RICTOR: variants seen among roughly 807,000 people sequenced by gnomAD.
RICTOR encodes RPTOR independent companion of MTOR complex 2.
Under a neutral mutation model 214.9 loss-of-function variants are expected in RICTOR, and 49 were observed. The observed-to-expected ratio is 0.23, with a 90% CI of 0.18 to 0.29. RICTOR has a LOEUF of 0.29. RICTOR is among the 10% of genes least tolerant of loss of function. The probability of loss-of-function intolerance (pLI) is 1.00; values close to 1 mark genes in which losing one functional copy is unlikely to be tolerated. For missense variants in RICTOR, 1,625 were observed against 2,047.0 expected (o/e 0.79, Z 3.98); for synonymous variants, 717 against 711.3 (o/e 1.01, Z -0.13).
rs1465279859 is a variant in RICTOR, at chr5:39,046,764, C to G, written c.98-25628G>C. Reference sequence around the variant, plus strand: ...TGTATTCCCTCCTCCTGTTCCATATCCTTTAACATTACCTAAAGCTTTGAG... The same window carrying G: ...TGTATTCCCTCCTCCTGTTCCATATGCTTTAACATTACCTAAAGCTTTGAG... On this transcript the variant is annotated intron_variant, in intron 2 of 37. Transcript: ENST00000357387. Among the ~76,000 whole-genome samples, 3 of 152,114 alleles carry G rather than the reference C, an allele frequency of 2.0e-5. No homozygotes were observed. In the East Asian group the frequency reaches 5.8e-4, roughly 29 times the overall value.
At chr5:38,962,014 CAT>C (rs1363557899) in intron 19 of RICTOR, among the ~76,000 whole-genome samples, 1 of 152,018 alleles carries the variant, frequency 6.6e-6, no homozygotes, top group African/African-American at 2.4e-5. Flanking sequence ...ATGTCATCCT[CAT>C]ATGTCAGGGC....
chr5:38,986,435 TTAG>T (rs1217488813), intron 7 of RICTOR, among the ~76,000 whole-genome samples: 1 of 152,196 alleles, frequency 6.6e-6, no homozygotes, highest in Non-Finnish European at 1.5e-5. Flanking sequence ...GAGCCAGACT[TTAG>T]TAGATTCTAT....
At chr5:39,064,128 T>C (rs1245730867) in intron 2 of RICTOR, among the ~76,000 whole-genome samples, 2 of 152,206 alleles carry the variant, frequency 1.3e-5, no homozygotes, top group East Asian at 3.8e-4. Flanking sequence ...TATTAACTAG[T>C]TTTACACAAT....
At chr5:38,966,750 T>A (rs1339205180) in intron 14 of RICTOR, 29 bp from the exon 15 acceptor site, 1 of 1,215,314 alleles carries the variant, frequency 8.2e-7, no homozygotes, top group Non-Finnish European at 1.2e-6. Flanking sequence ...AACACCACTG[T>A]TGCAAAATAA....
chr5:38,958,625 C>CA (rs747244184), intron 23 of RICTOR, 42 bp downstream of exon 23: 5 of 1,523,684 alleles, frequency 3.3e-6, no homozygotes, highest in Non-Finnish European at 4.5e-6. Flanking sequence ...ATGAGTATTT[C>CA]AAAAAAATTT....
At chr5:38,970,721 T>C (rs1050425875) in intron 11 of RICTOR, 1 of 152,188 alleles carries the variant, frequency 6.6e-6, no homozygotes, top group Non-Finnish European at 1.5e-5. Context: ...AAGAATTCTC[T>C]TTTCCTTCAA....
intron 3 of RICTOR, among the ~76,000 whole-genome samples, chr5:39,013,690 T>C (rs1436922698): frequency 6.6e-6 from 1 of 151,966 alleles, no homozygotes; most frequent in African/African-American, 2.4e-5. Context: ...GTCTTTTACA[T>C]GGCAATTTAG....
At chr5:39,056,504 C>T (rs1758216238) in intron 2 of RICTOR, among the ~76,000 whole-genome samples, 1 of 152,018 alleles carries the variant, frequency 6.6e-6, no homozygotes, top group Non-Finnish European at 1.5e-5. Context: ...GGCTTGGTGG[C>T]GTGTGCCTGT....
chr5:38,981,133 A>G (rs544675301), intron 8 of RICTOR: 17 of 152,314 alleles, frequency 1.1e-4, no homozygotes, highest in African/African-American at 3.8e-4. Context: ...AGAACACTTA[A>G]GTTTCAAAAA....
Position 38,953,032 on chromosome 5 carries a change from T to G in RICTOR, c.2850A>C (p.Pro950=), listed in dbSNP as rs756029557. Residue 950 remains proline (P), a synonymous_variant, in exon 29 of 38, where the codon CCA becomes CCC. Coordinates refer to ENST00000357387, the MANE Select transcript of RICTOR (RefSeq NM_152756.5). ...LNLLQEENVI[P]DILKLAKQCE... Reference sequence around the variant, plus strand: ...ACTGTTTTGCAAGTTTTAGTATATCTGGAATCACGTTTTCTTCCTGTAGCA... The same window carrying G: ...ACTGTTTTGCAAGTTTTAGTATATCGGGAATCACGTTTTCTTCCTGTAGCA... The G allele has an allele frequency of 6.2e-6, 10 of 1,610,638 alleles. No individual in the cohort carries two copies. Among genetic ancestry groups the G allele is most frequent in the Non-Finnish European group, 8.5e-6 (10 of 1,177,760 alleles).
At chr5:39,062,137 T>TA (rs1463038249) in intron 2 of RICTOR, among the ~76,000 whole-genome samples, 2 of 152,116 alleles carry the variant, frequency 1.3e-5, no homozygotes, top group Admixed American at 1.3e-4. Flanking sequence ...CCTACAGTAA[T>TA]ACGTCACTCT....
intron 7 of RICTOR, among the ~76,000 whole-genome samples, chr5:38,988,398 T>C (rs1024990520): frequency 4.6e-5 from 7 of 152,156 alleles, no homozygotes; most frequent in Admixed American, 6.6e-5. Context: ...CATATATATT[T>C]AGGATAGTTA....
intron 31 of RICTOR, among the ~76,000 whole-genome samples, chr5:38,947,938 A>G (rs1242294094): frequency 6.6e-6 from 1 of 152,172 alleles, no homozygotes; most frequent in Admixed American, 6.6e-5. Flanking sequence ...AGATTTATGT[A>G]GCACACAAGA....
intron 2 of RICTOR, among the ~76,000 whole-genome samples, chr5:39,043,040 T>A (rs916122678): frequency 6.6e-6 from 1 of 152,140 alleles, no homozygotes; most frequent in Admixed American, 6.5e-5. Context: ...AGTACAGCCA[T>A]TATAGAAAAT....
At chr5:39,066,433 T>C (rs1318050350) in intron 2 of RICTOR, among the ~76,000 whole-genome samples, 1 of 152,244 alleles carries the variant, frequency 6.6e-6, no homozygotes, top group African/African-American at 2.4e-5. Context: ...GTTTCTAAAA[T>C]GCCTTGAAGG....
chr5:39,011,790 G>T (rs1754541266), intron 3 of RICTOR, among the ~76,000 whole-genome samples: 1 of 152,162 alleles, frequency 6.6e-6, no homozygotes, highest in South Asian at 2.1e-4. Context: ...TGGAATGGGT[G>T]TATTTACCCA....
chr5:39,049,089 A>T (rs923179313), intron 2 of RICTOR, among the ~76,000 whole-genome samples: 8 of 152,026 alleles, frequency 5.3e-5, no homozygotes, highest in African/African-American at 1.7e-4. Flanking sequence ...CCAAGGTGAG[A>T]ATCTGAATTT....
intron 28 of RICTOR, among the ~76,000 whole-genome samples, 171 bp from the exon 29 acceptor site, chr5:38,953,262 CAA>C (rs2112875293): frequency 6.6e-6 from 1 of 151,864 alleles, no homozygotes; most frequent in South Asian, 2.1e-4. Flanking sequence ...AGCAACAAAA[CAA>C]AAGTCATGAA....
chr5:39,071,996 T>C (rs1016572100), intron 2 of RICTOR, among the ~76,000 whole-genome samples: 3 of 152,218 alleles, frequency 2.0e-5, no homozygotes, highest in Non-Finnish European at 4.4e-5. Context: ...TCAAGCCTTC[T>C]TTGAACAATG....
Sources: allele counts gnomAD v4.1 joint callset (sites outside exome capture counted in the v4.1 genomes callset), GRCh38; gene constraint gnomAD v4.1.1; transcripts MANE v1.5; gene names NCBI Gene and HGNC (gene_info 2026-07-23, HGNC 2026-07-21).